Variants in ANTXR1 observed in about 807,000 individuals in gnomAD.
ANTXR1 encodes the protein anthrax toxin receptor 1.
ANTXR1 carries 19 observed loss-of-function variants against 78.1 expected under a neutral mutation model. That is an observed-to-expected ratio of 0.24 (90% CI 0.17 to 0.36). ANTXR1 has a LOEUF of 0.36. ANTXR1 is among the 10% of genes least tolerant of loss of function. ANTXR1 has a pLI of 1.00. For missense variants in ANTXR1, 518 were observed against 718.6 expected, an observed-to-expected ratio of 0.72 and a Z score of 3.19; for synonymous variants, 273 against 260.5, an observed-to-expected ratio of 1.05 and a Z score of -0.46.
At chr2:69,045,990 A>C (rs1669756951) in intron 3 of ANTXR1, among the ~76,000 whole-genome samples, 1 of 152,132 alleles carries the variant, frequency 6.6e-6, no homozygotes, top group Non-Finnish European at 1.5e-5. Context: ...AAAATCCAAG[A>C]CACTTGTGTG....
intron 12 of ANTXR1, among the ~76,000 whole-genome samples, chr2:69,135,482 G>A (rs1332820019): frequency 6.6e-6 from 1 of 152,028 alleles, no homozygotes; most frequent in Non-Finnish European, 1.5e-5. Context: ...AGCTATGTGT[G>A]ATTTACAATA....
chr2:69,079,594 T>C (rs1030632896), intron 8 of ANTXR1, among the ~76,000 whole-genome samples: 3 of 152,136 alleles, frequency 2.0e-5, no homozygotes, highest in Admixed American at 6.5e-5. Flanking sequence ...AGCCTAGACA[T>C]TGGGTTGAAA....
At chr2:69,154,472 C>G (rs571021245) in intron 13 of ANTXR1, among the ~76,000 whole-genome samples, 6 of 152,300 alleles carry the variant, frequency 3.9e-5, no homozygotes, top group African/African-American at 9.6e-5. Flanking sequence ...GTTTCCTAAA[C>G]AGTATACTCA....
intron 14 of ANTXR1, among the ~76,000 whole-genome samples, chr2:69,178,800 T>G (rs1469858314): frequency 6.6e-6 from 1 of 152,154 alleles, no homozygotes. Context: ...AACTTCACCT[T>G]TAGGGGTCAC....
At chr2:69,025,540 CAT>C in intron 1 of ANTXR1, among the ~76,000 whole-genome samples, 1 of 152,326 alleles carries the variant, frequency 6.6e-6, no homozygotes, top group Middle Eastern at 3.4e-3. Flanking sequence ...TGATCAGAAT[CAT>C]AGTCAGCCTA....
intron 17 of ANTXR1, among the ~76,000 whole-genome samples, chr2:69,213,352 A>G (rs189905374): frequency 9.1e-4 from 139 of 152,316 alleles, no homozygotes; most frequent in African/African-American, 3.2e-3. Flanking sequence ...TGTCAGCCAG[A>G]TGGCCAGTTG....
At chr2:69,102,448 T>C (rs1671652981) in intron 9 of ANTXR1, among the ~76,000 whole-genome samples, 1 of 152,000 alleles carries the variant, frequency 6.6e-6, no homozygotes, top group Non-Finnish European at 1.5e-5. Context: ...AGGAGGTGAG[T>C]TGATTAAAGA....
intron 17 of ANTXR1, among the ~76,000 whole-genome samples, chr2:69,236,004 C>G (rs1052742970): frequency 6.6e-6 from 1 of 152,058 alleles, no homozygotes; most frequent in Non-Finnish European, 1.5e-5. Context: ...GGGGAACTGC[C>G]CTTTATAAAA....
chr2:69,103,988 G>A (rs550026440), intron 10 of ANTXR1, among the ~76,000 whole-genome samples: 1 of 149,658 alleles, frequency 6.7e-6, no homozygotes, highest in Admixed American at 6.6e-5. Flanking sequence ...GTCCAGGCTG[G>A]AGTACAATGG....
chr2:69,124,693 A>G, intron 12 of ANTXR1, 50 bp downstream of exon 12: 1 of 1,591,928 alleles, frequency 6.3e-7, no homozygotes, highest in Non-Finnish European at 8.6e-7. Flanking sequence ...CATTGTCACT[A>G]TCAACGTTTC....
intron 17 of ANTXR1, among the ~76,000 whole-genome samples, chr2:69,193,720 A>C (rs533238967): frequency 7.9e-5 from 12 of 152,362 alleles, no homozygotes; most frequent in African/African-American, 2.4e-4. Context: ...TGAGCTTCTC[A>C]ATGTATAGGC....
At chr2:69,079,761 T>C (rs1252780042) in intron 8 of ANTXR1, among the ~76,000 whole-genome samples, 1 of 152,172 alleles carries the variant, frequency 6.6e-6, no homozygotes. Context: ...TAGGAGGCAA[T>C]AGTCCTGCCT....
At chr2:69,077,545 G>C in intron 8 of ANTXR1, 57 bp downstream of exon 8, 1 of 1,547,914 alleles carries the variant, frequency 6.5e-7, no homozygotes, top group Non-Finnish European at 8.9e-7. Flanking sequence ...TCTCTGATCT[G>C]CTATTAATAC....
chr2:69,047,649 A>T (rs760707740), intron 3 of ANTXR1, among the ~76,000 whole-genome samples: 3 of 151,978 alleles, frequency 2.0e-5, no homozygotes, highest in East Asian at 1.9e-4. Context: ...TGGGGGGGGA[A>T]ATTCTGGACC....
At chr2:69,052,702 G>A (rs1669960329) in intron 3 of ANTXR1, among the ~76,000 whole-genome samples, 1 of 151,906 alleles carries the variant, frequency 6.6e-6, no homozygotes, top group Non-Finnish European at 1.5e-5. Flanking sequence ...TGCCTTTTGT[G>A]ATTAACATTT....
At chr2:69,030,224 GTCC>G (rs1671490481) in intron 1 of ANTXR1, among the ~76,000 whole-genome samples, 1 of 152,168 alleles carries the variant, frequency 6.6e-6, no homozygotes, top group East Asian at 1.9e-4. Context: ...CTGTGAAGGA[GTCC>G]TTCGATTCTG....
intron 3 of ANTXR1, among the ~76,000 whole-genome samples, chr2:69,045,674 A>C (rs1434135617): frequency 6.6e-6 from 1 of 152,056 alleles, no homozygotes; most frequent in Non-Finnish European, 1.5e-5. Flanking sequence ...ACAGAGTAAA[A>C]TTTTCTAGCT....
chr2:69,092,296 T>TGG (rs1399759818), intron 9 of ANTXR1, among the ~76,000 whole-genome samples: 2 of 152,350 alleles, frequency 1.3e-5, no homozygotes, highest in East Asian at 3.9e-4. Context: ...TTCCAGTTTC[T>TGG]GGCCTATAGT....
At position 69,246,181 on chromosome 2, in the gene ANTXR1, T is replaced by C. The variant is rs1480526104; in HGVS notation, c.*696T>C. On this transcript the variant is annotated 3_prime_UTR_variant, in exon 18 of 18. Coordinates refer to ENST00000303714, the MANE Select transcript of ANTXR1 (RefSeq NM_032208.3). The stretch of plus-strand genomic sequence containing the variant: ...TATGTTGATGTGTAAGTGAAATCAG[T>C]TGTGTGCAATAGACAGGGGCGTATT... 6.6e-6 allele frequency: 1 copy of C among 152,450 alleles called. No individual in the cohort carries two copies. The highest frequency in any genetic ancestry group is 1.5e-5 in the Non-Finnish European group (1 of 68,096). The allele number at this position is 152,450 out of a possible 1,614,324, so 9.4% of individuals were successfully genotyped here.
Sources: gnomAD v4.1 joint callset for allele counts (sites outside exome capture counted in the v4.1 genomes callset) on GRCh38, gnomAD v4.1.1 for gene constraint, MANE v1.5 for transcripts, NCBI Gene and HGNC (gene_info 2026-07-23, HGNC 2026-07-21) for gene names.